The following GHR variants were observed in gnomAD, a reference collection of about 807,000 sequenced individuals.
The protein encoded by GHR is GH receptor.
GHR carries 35 observed loss-of-function variants against 67.1 expected under a neutral mutation model. The ratio of observed to expected loss-of-function variants is 0.52; its 90% confidence interval spans 0.40 to 0.69. GHR has a LOEUF of 0.69. Ranked by LOEUF, GHR falls within the 30% of genes least tolerant of loss-of-function variation. The pLI is 0.00. For synonymous variants in GHR, 272 were observed against 269.1 expected, an observed-to-expected ratio of 1.01 and a Z score of -0.10; for missense variants, 792 against 764.6, an observed-to-expected ratio of 1.04 and a Z score of -0.42.
chr5:42,627,981 G>C (rs938641669), intron 2 of GHR, among the ~76,000 whole-genome samples: 1 of 152,224 alleles, frequency 6.6e-6, no homozygotes, highest in Non-Finnish European at 1.5e-5. Context: ...TGGATGGGGA[G>C]TGGGAAGTGG....
At chr5:42,668,822 T>A (rs1756127381) in intron 3 of GHR, among the ~76,000 whole-genome samples, 1 of 152,158 alleles carries the variant, frequency 6.6e-6, no homozygotes, top group East Asian at 1.9e-4. Context: ...ATAAGCCTGT[T>A]GTAAATTTAA....
In GHR at chr5:42,695,080, G is replaced by T. The variant is rs542317809; in HGVS notation, c.430G>T (p.Asp144Tyr). The change falls in exon 5 of 10, where the codon GAT becomes TAT. Residue 144 changes from aspartate to tyrosine, a missense_variant. By Grantham distance (160) the Asp-to-Tyr change is radical (BLOSUM62 -3). Coordinates refer to ENST00000230882, the MANE Select transcript of GHR (RefSeq NM_000163.5). ...AGTGGATGAAAAGTGTTTCTCTGTT[G>T]ATGAAATAGGTAAATCACAGGTTTT... is the stretch of plus-strand genomic sequence containing the variant. ...GTVDEKCFSV[D>Y]EIVQPDPPIA... is the part of the protein sequence containing the mutation. 1 of 1,605,622 alleles carries T rather than the reference G, an allele frequency of 6.2e-7. No homozygotes were observed. The highest frequency in any genetic ancestry group is 1.7e-5 in the Admixed American group (1 of 59,990).
intron 1 of GHR, among the ~76,000 whole-genome samples, chr5:42,479,132 A>G (rs1219441146): frequency 6.6e-6 from 1 of 152,152 alleles, no homozygotes; most frequent in African/African-American, 2.4e-5. Context: ...TTCTGCGTCT[A>G]TTGAGATAAT....
chr5:42,536,516 A>C (rs535195961), intron 1 of GHR, among the ~76,000 whole-genome samples: 2 of 152,110 alleles, frequency 1.3e-5, no homozygotes, highest in Non-Finnish European at 1.5e-5. Context: ...TATGAAACCC[A>C]CTTGGTCATG....
chr5:42,635,479 T>A (rs939406445), intron 3 of GHR, among the ~76,000 whole-genome samples: 5 of 152,244 alleles, frequency 3.3e-5, no homozygotes, highest in African/African-American at 1.2e-4. Context: ...ATATTAATAA[T>A]TAAAACAACA....
intron 1 of GHR, among the ~76,000 whole-genome samples, chr5:42,518,563 G>C (rs1747339882): frequency 6.6e-6 from 1 of 152,190 alleles, no homozygotes; most frequent in Non-Finnish European, 1.5e-5. Context: ...CTGCCTCAGA[G>C]AGGCAGTTTT....
Position 42,718,716 on chromosome 5 carries a change from C to T in GHR, c.1209C>T (p.Asp403=). The change falls in exon 10 of 10, where the codon GAC becomes GAT. Residue 403 remains aspartate (D), a synonymous_variant. Coordinates refer to ENST00000230882, the MANE Select transcript of GHR (RefSeq NM_000163.5). ...TGGAGACTGATTTCAATGCCAATGACATACATGAGGGTACCTCAGAGGTTG... is the reference window on the plus strand; with the variant it reads ...TGGAGACTGATTTCAATGCCAATGATATACATGAGGGTACCTCAGAGGTTG... ...DILETDFNAN[D]IHEGTSEVAQ... is the part of the protein sequence containing the mutation. The T allele has an allele frequency of 6.2e-7, 1 of 1,614,166 alleles. No homozygotes were observed.
intron 2 of GHR, among the ~76,000 whole-genome samples, chr5:42,580,304 T>C (rs1751091799): frequency 6.6e-6 from 1 of 152,158 alleles, no homozygotes; most frequent in African/African-American, 2.4e-5. Context: ...ACAAAAGAGA[T>C]AAAAACCTCT....
At chr5:42,527,933 T>C (rs887511294) in intron 1 of GHR, among the ~76,000 whole-genome samples, 1 of 152,182 alleles carries the variant, frequency 6.6e-6, no homozygotes, top group African/African-American at 2.4e-5. Context: ...ACATGTGTAA[T>C]AGTACACCTG....
intron 3 of GHR, among the ~76,000 whole-genome samples, chr5:42,666,003 G>A (rs1012865764): frequency 5.9e-5 from 9 of 152,154 alleles, no homozygotes; most frequent in Non-Finnish European, 8.8e-5. Context: ...TCCCTCTCAT[G>A]ACACATGCGG....
chr5:42,455,246 C>T (rs144395976), intron 1 of GHR, among the ~76,000 whole-genome samples: 28 of 152,282 alleles, frequency 1.8e-4, no homozygotes, highest in African/African-American at 3.6e-4. Context: ...GCCTGTCTCA[C>T]AGAGTTTGCA....
At chr5:42,433,261 T>A (rs1743173796) in intron 1 of GHR, among the ~76,000 whole-genome samples, 1 of 152,214 alleles carries the variant, frequency 6.6e-6, no homozygotes, top group African/African-American at 2.4e-5. Context: ...TTTAGTGTTT[T>A]AATTTATTTT....
At chr5:42,617,363 G>T (rs943826545) in intron 2 of GHR, among the ~76,000 whole-genome samples, 1 of 148,542 alleles carries the variant, frequency 6.7e-6, no homozygotes, top group African/African-American at 2.5e-5. Context: ...AGTGGCACTA[G>T]CTGCTGCTAG....
chr5:42,590,615 A>G (rs1751725594), intron 2 of GHR, among the ~76,000 whole-genome samples: 1 of 152,242 alleles, frequency 6.6e-6, no homozygotes, highest in African/African-American at 2.4e-5. Context: ...GGAGGATGTT[A>G]AAAAGTGTTC....
intron 1 of GHR, among the ~76,000 whole-genome samples, chr5:42,493,623 T>C (rs2112205155): frequency 6.6e-6 from 1 of 152,320 alleles, no homozygotes; most frequent in South Asian, 2.1e-4. Flanking sequence ...AAAAGAAAGT[T>C]AATTTTAGGA....
intron 5 of GHR, among the ~76,000 whole-genome samples, chr5:42,696,355 C>T (rs762753958): frequency 6.6e-6 from 1 of 152,136 alleles, no homozygotes; most frequent in Non-Finnish European, 1.5e-5. Flanking sequence ...AAGGTGGTGG[C>T]CAAAGGCGTG....
At chr5:42,679,812 A>G (rs541638005) in intron 3 of GHR, among the ~76,000 whole-genome samples, 3 of 152,240 alleles carry the variant, frequency 2.0e-5, no homozygotes, top group South Asian at 2.1e-4. Flanking sequence ...TTTATATTAC[A>G]TATAAAATGT....
intron 2 of GHR, among the ~76,000 whole-genome samples, chr5:42,576,046 T>TAAATAAAATAAAATATAAAATAAAATA (rs66522211): frequency 1.8e-5 from 1 of 55,886 alleles, no homozygotes; most frequent in African/African-American, 6.9e-5. Context: ...AAAATTAAAA[T>TAAATAAAATAAAATATAAAATAAAATA]AATAAAATAA....
At chr5:42,508,243 G>A (rs1360838762) in intron 1 of GHR, among the ~76,000 whole-genome samples, 2 of 152,146 alleles carry the variant, frequency 1.3e-5, no homozygotes, top group African/African-American at 4.8e-5. Context: ...GAACTGGTCT[G>A]ATAGCTCACC....
Sources: allele counts gnomAD v4.1 joint callset (sites outside exome capture counted in the v4.1 genomes callset), GRCh38; gene constraint gnomAD v4.1.1; transcripts MANE v1.5; gene names NCBI Gene and HGNC (gene_info 2026-07-23, HGNC 2026-07-21).